CFAP251: variants seen among roughly 807,000 people sequenced by gnomAD.
CFAP251 encodes the protein cilia- and flagella-associated protein 251.
In CFAP251, 93 loss-of-function variants were observed where a neutral mutation model predicts 126.7. That is an observed-to-expected ratio of 0.73 (90% confidence interval 0.62 to 0.87). The LOEUF is 0.87. Among genes scored for constraint, CFAP251 ranks in the 40% least tolerant of loss-of-function variants. The probability of loss-of-function intolerance (pLI) is 0.00; values close to 1 mark genes in which losing one functional copy is unlikely to be tolerated. For synonymous variants in CFAP251, 503 were observed against 506.9 expected (o/e 0.99, Z 0.10); for missense variants, 1,287 against 1,389.2 (o/e 0.93, Z 1.17).
chr12:121,959,322 C>A, intron 13 of CFAP251: 1 of 423,756 alleles, frequency 2.4e-6, no homozygotes, highest in Non-Finnish European at 4.1e-6. Flanking sequence ...ACATCTGTAG[C>A]CCCAGTTATC....
rs1019869277 is a variant in CFAP251 at position 121,958,253 on chromosome 12, G to C, written c.1731-19G>C. 1 of 1,612,976 alleles carries C rather than the reference G, an allele frequency of 6.2e-7. No homozygotes were observed. The highest frequency in any genetic ancestry group is 1.3e-5 in the African/African-American group (1 of 74,906). ...TCCCTGCAAACACTGATATTGTTTG[G>C]TCTCTCCTTGGCAAACAGGAATTTT... On this transcript the variant is annotated intron_variant, in intron 11 of 21. Coordinates refer to ENST00000288912, the MANE Select transcript of CFAP251 (RefSeq NM_144668.6).
chr12:121,966,864 G>A (rs1159022015), intron 15 of CFAP251, 91 bp from the exon 16 acceptor site: 3 of 1,174,358 alleles, frequency 2.6e-6, no homozygotes, highest in East Asian at 2.4e-5. Flanking sequence ...GATTACAGGT[G>A]TGAGCCACTG....
At chr12:121,964,724 A>G (rs1882062187) in intron 15 of CFAP251, among the ~76,000 whole-genome samples, 1 of 151,990 alleles carries the variant, frequency 6.6e-6, no homozygotes, top group Admixed American at 6.6e-5. Flanking sequence ...ACATGGTGAA[A>G]CCCTGTCTCT....
At chr12:121,945,814 C>T (rs1330784493) in intron 7 of CFAP251, among the ~76,000 whole-genome samples, 1 of 151,250 alleles carries the variant, frequency 6.6e-6, no homozygotes, top group African/African-American at 2.4e-5. Flanking sequence ...TACAGGCGCC[C>T]ACCACCACGC....
At chr12:121,957,379 A>G in intron 11 of CFAP251, 111 bp downstream of exon 11, 1 of 1,109,656 alleles carries the variant, frequency 9.0e-7, no homozygotes, top group Non-Finnish European at 1.3e-6. Flanking sequence ...TCCCTGGCTG[A>G]TTGTGATAAC....
intron 9 of CFAP251, chr12:121,952,720 C>T (rs150144733): frequency 4.6e-5 from 7 of 152,080 alleles, no homozygotes; most frequent in African/African-American, 9.6e-5. Flanking sequence ...GCTTCTCTCT[C>T]GGTATGATTT....
chr12:121,938,847 G>A (rs1463007588), intron 5 of CFAP251, among the ~76,000 whole-genome samples: 5 of 151,174 alleles, frequency 3.3e-5, no homozygotes, highest in African/African-American at 7.3e-5. Flanking sequence ...AAAATTAGTC[G>A]GGCATAATGG....
At chr12:121,958,021 A>G (rs1881788443) in intron 11 of CFAP251, among the ~76,000 whole-genome samples, 1 of 152,220 alleles carries the variant, frequency 6.6e-6, no homozygotes, top group Non-Finnish European at 1.5e-5. Flanking sequence ...TTGCATGTGC[A>G]GATTAGCTAA....
chr12:121,940,893 G>GCACA (rs149448528), intron 5 of CFAP251, among the ~76,000 whole-genome samples: 1 of 151,492 alleles, frequency 6.6e-6, no homozygotes, highest in African/African-American at 2.4e-5. Context: ...ACATACACAC[G>GCACA]CACACACACA....
chr12:121,996,908 TG>T (rs1403502515), intron 19 of CFAP251: 7 of 152,308 alleles, frequency 4.6e-5, no homozygotes, highest in African/African-American at 1.4e-4. Flanking sequence ...TTTAAGTTCT[TG>T]CAGTGACAAG....
chr12:121,948,843 T>G, intron 7 of CFAP251, 141 bp from the exon 8 acceptor site: 2 of 532,712 alleles, frequency 3.8e-6, no homozygotes, highest in Non-Finnish European at 6.5e-6. Flanking sequence ...TATTCCTATT[T>G]TTTTTTACGA....
At position 121,921,682 on chromosome 12, in the gene CFAP251, CAGTA is replaced by C; in HGVS notation, c.378+4_378+7del. The stretch of plus-strand genomic sequence containing the variant: ...CAGTCAATCACATCAGGAATTTTCC[CAGTA>C]AGTAGTCATCTTAATTCATTCATCA... On this transcript the variant is annotated splice_donor_variant and splice_donor_region_variant and coding_sequence_variant and intron_variant, in exon 2 of 22. Coordinates refer to ENST00000288912, the MANE Select transcript of CFAP251 (RefSeq NM_144668.6). LOFTEE classifies it high-confidence loss of function. The C allele has an allele frequency of 1.2e-6, 2 of 1,603,292 alleles. No individual in the cohort carries two copies. Among genetic ancestry groups the C allele is most frequent in the Non-Finnish European group, 1.7e-6 (2 of 1,175,074 alleles).
chr12:121,992,116 CTG>C, intron 19 of CFAP251: 1 of 739,318 alleles, frequency 1.4e-6, no homozygotes. Flanking sequence ...GCCAGGCTGA[CTG>C]ACAACCACCA....
intron 19 of CFAP251, among the ~76,000 whole-genome samples, chr12:121,995,621 GC>G (rs1271987758): frequency 6.6e-6 from 1 of 152,014 alleles, no homozygotes; most frequent in Non-Finnish European, 1.5e-5. Flanking sequence ...TCCTGCATGA[GC>G]CCCCCAGTAG....
At chr12:121,966,151 C>CCCCTCTCCTCCCCTCCCCTT (rs1555219020) in intron 15 of CFAP251, among the ~76,000 whole-genome samples, 11 of 12,112 alleles carry the variant, frequency 9.1e-4, no homozygotes, top group Non-Finnish European at 2.0e-3. Context: ...TCCCTTCCCT[C>CCCCTCTCCTCCCCTCCCCTT]CCCTCCCCTC....
At chr12:121,963,194 AAG>A (rs1882005736) in intron 15 of CFAP251, among the ~76,000 whole-genome samples, 1 of 152,168 alleles carries the variant, frequency 6.6e-6, no homozygotes, top group Non-Finnish European at 1.5e-5. Context: ...GAGGGCAGAA[AAG>A]AGGGGTCAGA....
intron 5 of CFAP251, among the ~76,000 whole-genome samples, chr12:121,942,099 A>T (rs1881140893): frequency 6.6e-6 from 1 of 152,200 alleles, no homozygotes; most frequent in Admixed American, 6.5e-5. Flanking sequence ...ATTGTTGTTG[A>T]GGTTAAATTC....
intron 3 of CFAP251, among the ~76,000 whole-genome samples, chr12:121,926,836 A>C (rs1880438561): frequency 1.3e-5 from 2 of 152,186 alleles, no homozygotes; most frequent in East Asian, 1.9e-4. Context: ...CCAGCTACTT[A>C]GGAGACTGAG....
At position 121,951,518 on chromosome 12, in the gene CFAP251, T is replaced by A. The variant is rs1452418227; in HGVS notation, c.1308T>A (p.Leu436=). ...ATACACTGGCTCACAGTGCCCCACTTTTAACTGAAAAAGTGAGTATGCCTA... is the reference window on the plus strand; with the variant it reads ...ATACACTGGCTCACAGTGCCCCACTATTAACTGAAAAAGTGAGTATGCCTA... ...ERDTLAHSAP[L]LTEKTFNKLV... is the part of the protein sequence containing the mutation. The change falls in exon 9 of 22, where the codon CTT becomes CTA. Residue 436 remains leucine (L), a synonymous_variant. Coordinates refer to ENST00000288912, the MANE Select transcript of CFAP251 (RefSeq NM_144668.6). The A allele has an allele frequency of 1.3e-6, 2 of 1,584,174 alleles. No homozygotes were observed. The highest frequency in any genetic ancestry group is 1.7e-6 in the Non-Finnish European group (2 of 1,157,136).
Sources: allele counts gnomAD v4.1 joint callset (sites outside exome capture counted in the v4.1 genomes callset), GRCh38; gene constraint gnomAD v4.1.1; transcripts MANE v1.5; gene names NCBI Gene and HGNC (gene_info 2026-07-23, HGNC 2026-07-21).